KMT2C: variants seen among roughly 807,000 people sequenced by gnomAD.
KMT2C encodes histone-lysine N-methyltransferase 2C.
A neutral mutation model predicts 507.9 loss-of-function variants in KMT2C; 88 were observed. The observed-to-expected ratio is 0.17, with a 90% CI of 0.15 to 0.21. The LOEUF is 0.21. Among genes scored for constraint, KMT2C ranks in the 10% least tolerant of loss-of-function variants. The pLI is 1.00. For missense variants in KMT2C, 4,954 were observed against 5,957.8 expected, an observed-to-expected ratio of 0.83 and a Z score of 5.55; for synonymous variants, 2,049 against 2,080.8, an observed-to-expected ratio of 0.98 and a Z score of 0.42.
rs183680875 is a variant in KMT2C at position 152,371,266 on chromosome 7, G to A, written c.162-12591C>T. On this transcript the variant is annotated intron_variant, in intron 1 of 58. Transcript: ENST00000262189. ...AAATCAATAATACAAAATGTGAAAG[G>A]AGACGTTAAATGTAAAGTTGTGGTA... Among the ~76,000 whole-genome samples, 762 of 152,172 alleles carry A rather than the reference G, an allele frequency of 5.0e-3. 2 individuals are homozygous for A. The highest frequency in any genetic ancestry group is 6.7e-3 in the Non-Finnish European group (454 of 67,992).
intron 1 of KMT2C, among the ~76,000 whole-genome samples, chr7:152,393,748 C>T (rs2097519042): frequency 1.3e-5 from 2 of 152,044 alleles, no homozygotes; most frequent in Admixed American, 6.6e-5. Context: ...CAAAATTAGC[C>T]GGGCATGGTG....
rs760823403 is a variant in KMT2C at position 152,162,150 on chromosome 7, TTTA to T, written c.11424_11426del (p.Asn3808del). 37 of 1,583,730 alleles carry T rather than the reference TTTA, an allele frequency of 2.3e-5. No homozygotes were observed. Among genetic ancestry groups the T allele is most frequent in the Non-Finnish European group, 3.0e-5 (35 of 1,167,698 alleles). ...CAGCTGGGTTCTGCTTCTCAACTAG[TTTA>T]TTATCCTTTGTACAGTCATCTTCTG... On this transcript the variant is annotated inframe_deletion, in exon 43 of 59. Transcript: ENST00000262189.
chr7:152,378,480 GTTT>G (rs2097346146), intron 1 of KMT2C, among the ~76,000 whole-genome samples: 2 of 151,172 alleles, frequency 1.3e-5, no homozygotes, highest in Non-Finnish European at 3.0e-5. Flanking sequence ...ATGCACATTG[GTTT>G]TTTAAATATA....
chr7:152,255,442 A>G (rs2095644769), intron 9 of KMT2C, among the ~76,000 whole-genome samples: 1 of 152,018 alleles, frequency 6.6e-6, no homozygotes, highest in African/African-American at 2.4e-5. Context: ...CTGGGATTAC[A>G]GGTGTGAGCC....
At chr7:152,413,566 T>A (rs907497049) in intron 1 of KMT2C, among the ~76,000 whole-genome samples, 1 of 152,168 alleles carries the variant, frequency 6.6e-6, no homozygotes, top group African/African-American at 2.4e-5. Flanking sequence ...TAAGTTTCCA[T>A]CTCAGGATTT....
At chr7:152,175,637 C>A (rs944197285) in intron 38 of KMT2C, among the ~76,000 whole-genome samples, 6 of 152,070 alleles carry the variant, frequency 3.9e-5, no homozygotes, top group Non-Finnish European at 8.8e-5. Context: ...TCCTGTGTTG[C>A]CCAGGTTGGT....
At chr7:152,420,372 G>A (rs4726158) in intron 1 of KMT2C, among the ~76,000 whole-genome samples, 27,614 of 152,122 alleles carry the variant, frequency 0.18, 2,719 homozygotes, top group African/African-American at 0.24. Context: ...AACATATTCT[G>A]TATATTCTGA....
At chr7:152,265,845 A>G (rs2095850675) in intron 7 of KMT2C, among the ~76,000 whole-genome samples, 1 of 152,206 alleles carries the variant, frequency 6.6e-6, no homozygotes, top group African/African-American at 2.4e-5. Flanking sequence ...ATTAATTTCT[A>G]GTTGTAAAAG....
Position 152,358,681 on chromosome 7 carries a change from G to GAAAA in KMT2C, c.162-10_162-7dup. On this transcript the variant is annotated splice_region_variant and splice_polypyrimidine_tract_variant and intron_variant, in intron 1 of 58. Coordinates refer to ENST00000262189, the MANE Select transcript of KMT2C (RefSeq NM_170606.3). ...TTTTCCCCCTACTTCGAGGTCTACA[G>GAAAA]AAAAAAAAAAAAATAATAAGTACAT... is the stretch of plus-strand genomic sequence containing the variant. 11 of 1,248,342 alleles carry GAAAA rather than the reference G, an allele frequency of 8.8e-6. No homozygotes were observed. The highest frequency in any genetic ancestry group is 2.2e-5 in the Admixed American group (1 of 45,060). 77.3% of individuals were successfully genotyped at this position (1,248,342 alleles called of 1,614,324 possible). A position where few individuals can be genotyped will look rare whatever the true frequency, so the allele number is the denominator to read the frequency against.
chr7:152,398,993 A>G (rs1483208846), intron 1 of KMT2C, among the ~76,000 whole-genome samples: 1 of 150,152 alleles, frequency 6.7e-6, no homozygotes, highest in Non-Finnish European at 1.5e-5. Context: ...AGCCCAGCTA[A>G]TTTTTGTGGG....
At chr7:152,336,542 A>G (rs1005255687) in intron 2 of KMT2C, among the ~76,000 whole-genome samples, 2 of 152,194 alleles carry the variant, frequency 1.3e-5, no homozygotes, top group Non-Finnish European at 2.9e-5. Context: ...GTACTTAATT[A>G]TCTCCAGTTT....
chr7:152,259,011 C>T (rs953868964), intron 9 of KMT2C, among the ~76,000 whole-genome samples: 1 of 152,120 alleles, frequency 6.6e-6, no homozygotes, highest in Non-Finnish European at 1.5e-5. Context: ...AGCTGTGATA[C>T]CCTGAGGATG....
At chr7:152,195,049 A>G (rs1014527420) in intron 28 of KMT2C, among the ~76,000 whole-genome samples, 64 of 152,276 alleles carry the variant, frequency 4.2e-4, no homozygotes, top group African/African-American at 1.5e-3. Flanking sequence ...CTTCAATTAT[A>G]GGTAATATTT....
chr7:152,176,628 G>T lies in KMT2C; in HGVS notation c.8825C>A (p.Thr2942Asn). Residue 2942 changes from threonine to asparagine, a missense_variant, in exon 38 of 59, where the codon ACT becomes AAT. Coordinates refer to ENST00000262189, the MANE Select transcript of KMT2C (RefSeq NM_170606.3). ...ATGATTGGATGGGGAGGCCGGCAGAGTTGGTGGTGGTGGAGACCCCGATGG... is the reference window on the plus strand; with the variant it reads ...ATGATTGGATGGGGAGGCCGGCAGATTTGGTGGTGGTGGAGACCCCGATGG... ...IRPSGSPPPP[T>N]LPASPSNHVS... The T allele has an allele frequency of 1.2e-6, 2 of 1,614,236 alleles. No individual in the cohort carries two copies. Among genetic ancestry groups the T allele is most frequent in the Non-Finnish European group, 1.7e-6 (2 of 1,180,042 alleles).
chr7:152,196,555 G>A (rs1394942790), intron 27 of KMT2C, among the ~76,000 whole-genome samples: 1 of 152,140 alleles, frequency 6.6e-6, no homozygotes, highest in African/African-American at 2.4e-5. Context: ...ACAGAACTGT[G>A]TCTATGGATC....
chr7:152,235,796 T>C (rs768620753), intron 16 of KMT2C, 21 bp downstream of exon 16: 23 of 1,400,020 alleles, frequency 1.6e-5, no homozygotes, highest in Admixed American at 8.5e-5. Context: ...TTAGAGAAAA[T>C]ATACATGAAG....
chr7:152,201,726 A>T (rs76216564), intron 26 of KMT2C, among the ~76,000 whole-genome samples: 5,320 of 151,846 alleles, frequency 0.035, 238 homozygotes, highest in African/African-American at 0.099. Flanking sequence ...AACCTAGGAT[A>T]TAAGAGATTG....
At chr7:152,343,447 T>A (rs1177551062) in intron 2 of KMT2C, among the ~76,000 whole-genome samples, 9 of 60,620 alleles carry the variant, frequency 1.5e-4, no homozygotes, top group South Asian at 8.1e-4. Context: ...AGAAAAAGAC[T>A]GGGAAAAAAA....
chr7:152,159,196 AAGAT>A lies in KMT2C; in HGVS notation c.11461-128_11461-125del. On this transcript the variant is annotated intron_variant, in intron 43 of 58. Coordinates refer to ENST00000262189, the MANE Select transcript of KMT2C (RefSeq NM_170606.3). Reference sequence around the variant, plus strand: ...ACTAAAAGGTATTAAATAAGTAGGGAAGATAGAGTGGTGTCAATGCTGGTTTTCC... The same window carrying A: ...ACTAAAAGGTATTAAATAAGTAGGGAAGAGTGGTGTCAATGCTGGTTTTCC... The A allele has an allele frequency of 7.9e-6, 6 of 759,630 alleles. No individual in the cohort carries two copies. The South Asian group carries it at 1.0e-4, about 13-fold the overall frequency. The allele number at this position is 759,630 out of a possible 1,614,324, so 47.1% of individuals were successfully genotyped here.
Sources: gnomAD v4.1 joint callset for allele counts (sites outside exome capture counted in the v4.1 genomes callset) on GRCh38, gnomAD v4.1.1 for gene constraint, MANE v1.5 for transcripts, NCBI Gene and HGNC (gene_info 2026-07-23, HGNC 2026-07-21) for gene names.